Variants in CTNNA2 observed in about 807,000 individuals in gnomAD.
CTNNA2 encodes the protein catenin alpha-2.
CTNNA2 carries 42 observed loss-of-function variants against 101.0 expected under a neutral mutation model. That is an observed-to-expected ratio of 0.42 (90% CI 0.32 to 0.54). The LOEUF (loss-of-function observed/expected upper bound fraction) is 0.54, where lower values mean the gene tolerates loss of function less well. CTNNA2 is among the 20% of genes least tolerant of loss of function. The probability of loss-of-function intolerance (pLI) is 0.14; values close to 1 mark genes in which losing one functional copy is unlikely to be tolerated. For missense variants in CTNNA2, 871 were observed against 1,223.1 expected, an observed-to-expected ratio of 0.71 and a Z score of 4.29; for synonymous variants, 450 against 456.4, an observed-to-expected ratio of 0.99 and a Z score of 0.18.
At chr2:79,447,335 T>A (rs193149775) in intron 4 of CTNNA2, among the ~76,000 whole-genome samples, 2,929 of 151,952 alleles carry the variant, frequency 0.019, 45 homozygotes, top group Non-Finnish European at 0.028. Flanking sequence ...ATAAAAAAAT[T>A]TTTTTCCAGG....
At chr2:80,445,372 G>A (rs1682983469) in intron 9 of CTNNA2, among the ~76,000 whole-genome samples, 1 of 151,772 alleles carries the variant, frequency 6.6e-6, no homozygotes, top group African/African-American at 2.4e-5. Flanking sequence ...TGTAGTGATG[G>A]GGTTTTTCCG....
At chr2:79,481,668 G>T (rs910090980) in intron 4 of CTNNA2, among the ~76,000 whole-genome samples, 2 of 152,108 alleles carry the variant, frequency 1.3e-5, no homozygotes, top group African/African-American at 4.8e-5. Context: ...CTTGATTGTG[G>T]CTATGGTTTC....
chr2:80,226,788 A>C (rs1448261744), intron 7 of CTNNA2, among the ~76,000 whole-genome samples: 1 of 152,170 alleles, frequency 6.6e-6, no homozygotes, highest in Non-Finnish European at 1.5e-5. Context: ...AATACTTGAC[A>C]TAGAAACATC....
rs200194350 is a variant in CTNNA2 at position 79,301,832 on chromosome 2, T to TG, written c.-405-10877_-405-10876insG. On this transcript the variant is annotated intron_variant, in intron 2 of 21. Transcript: ENST00000466387. ...GGCCGGGCACAGTGGCTCACATCTG[T>TG]AATCCTACTGCTTTGGGAGGCTGAG... 2.6e-3 allele frequency among the ~76,000 whole-genome samples: 397 copies of TG among 152,218 alleles called. 9 individuals carry two copies. The East Asian group carries it at 0.064, about 24-fold the overall frequency.
chr2:79,381,282 C>G (rs1006242055), intron 4 of CTNNA2, among the ~76,000 whole-genome samples: 4 of 152,094 alleles, frequency 2.6e-5, no homozygotes, highest in Middle Eastern at 6.3e-3. Context: ...CCAAAACTCA[C>G]GTAAATTAAT....
At position 79,617,226 on chromosome 2, in the gene CTNNA2, A is replaced by G. The variant is rs1044905697; in HGVS notation, c.-5-34326A>G. ...CCTAATATTTTCTTTTATCTATGATATTTTGCATTTTCCCCATCCTCTGCC... is the reference window on the plus strand; with the variant it reads ...CCTAATATTTTCTTTTATCTATGATGTTTTGCATTTTCCCCATCCTCTGCC... On this transcript the variant is annotated intron_variant, in intron 1 of 18. Coordinates refer to ENST00000402739, the MANE Select transcript of CTNNA2 (RefSeq NM_001282597.3). Among the ~76,000 whole-genome samples the G allele has an allele frequency of 2.0e-5, 3 of 151,970 alleles. No individual in the cohort carries two copies. The South Asian group carries it at 6.2e-4, about 31-fold the overall frequency.
chr2:79,857,865 G>T (rs1480444258), intron 3 of CTNNA2, 148 bp from the exon 4 acceptor site: 1 of 754,314 alleles, frequency 1.3e-6, no homozygotes, highest in Admixed American at 2.4e-5. Context: ...GACTTAAAGG[G>T]CTCTTTGCTG....
In CTNNA2 at chr2:79,308,981, T is replaced by G. The variant is rs114813477; in HGVS notation, c.-405-3728T>G. 8.7e-3 allele frequency among the ~76,000 whole-genome samples: 1,323 copies of G among 152,236 alleles called. 20 individuals are homozygous for G. The highest frequency in any genetic ancestry group is 0.03 in the African/African-American group (1,235 of 41,538). ...TGAAAACAGCCTTCTGGATCTTGCC[T>G]ATCAATCTCCTTCCTGCTGCCCTAT... On this transcript the variant is annotated intron_variant, in intron 2 of 21. Transcript: ENST00000466387.
At chr2:80,485,468 ACATC>A (rs1686499003) in intron 9 of CTNNA2, among the ~76,000 whole-genome samples, 1 of 152,172 alleles carries the variant, frequency 6.6e-6, no homozygotes, top group South Asian at 2.1e-4. Context: ...TGGAATGAGG[ACATC>A]CAGCCTGACA....
intron 7 of CTNNA2, among the ~76,000 whole-genome samples, chr2:79,966,152 C>T (rs1024708039): frequency 1.3e-5 from 2 of 151,848 alleles, no homozygotes; most frequent in Admixed American, 6.6e-5. Context: ...ATTTTATTTC[C>T]TCTATTAGAT....
intron 18 of CTNNA2, among the ~76,000 whole-genome samples, chr2:80,645,658 C>G (rs111235547): frequency 4.7e-4 from 71 of 151,652 alleles, no homozygotes; most frequent in African/African-American, 1.7e-3. Flanking sequence ...ACCTCAGGGA[C>G]TAGGCTTTGA....
chr2:80,205,173 C>T (rs1443749782), intron 7 of CTNNA2, among the ~76,000 whole-genome samples: 1 of 152,068 alleles, frequency 6.6e-6, no homozygotes, highest in Non-Finnish European at 1.5e-5. Context: ...TTTCTGACAT[C>T]CTGGACAATT....
intron 4 of CTNNA2, among the ~76,000 whole-genome samples, chr2:79,492,103 C>A (rs1007868611): frequency 6.6e-6 from 1 of 151,718 alleles, no homozygotes; most frequent in Non-Finnish European, 1.5e-5. Flanking sequence ...TTAAATAGTA[C>A]CTGTTAATTG....
At chr2:79,802,310 C>A (rs1676227881) in intron 3 of CTNNA2, among the ~76,000 whole-genome samples, 1 of 152,108 alleles carries the variant, frequency 6.6e-6, no homozygotes, top group Non-Finnish European at 1.5e-5. Flanking sequence ...CCAGTTATAT[C>A]CTCCTACAGA....
Position 79,483,879 on chromosome 2 carries a change from C to T in CTNNA2, c.-134-21175C>T, listed in dbSNP as rs145652370. 2.8e-3 allele frequency among the ~76,000 whole-genome samples: 423 copies of T among 152,228 alleles called. 4 individuals carry two copies. The highest frequency in any genetic ancestry group is 9.6e-3 in the African/African-American group (398 of 41,514). On this transcript the variant is annotated intron_variant, in intron 4 of 21. Coordinates refer to the CTNNA2 transcript ENST00000466387. ...TTATGCTGCTATAAACATGTGTGTA[C>T]AAATGTCTTTTTCATAGAATGACTT...
At chr2:79,466,683 C>T (rs1358946721) in intron 4 of CTNNA2, among the ~76,000 whole-genome samples, 4 of 152,170 alleles carry the variant, frequency 2.6e-5, no homozygotes, top group African/African-American at 4.8e-5. Flanking sequence ...ACGGAGCTTC[C>T]AGAGGAAAAA....
intron 1 of CTNNA2, among the ~76,000 whole-genome samples, chr2:79,557,094 G>A (rs1461168941): frequency 6.6e-6 from 1 of 151,928 alleles, no homozygotes; most frequent in Non-Finnish European, 1.5e-5. Context: ...TCTGTTGCTG[G>A]AATTTAAGCT....
At chr2:80,107,294 T>G (rs1700946031) in intron 7 of CTNNA2, among the ~76,000 whole-genome samples, 1 of 152,138 alleles carries the variant, frequency 6.6e-6, no homozygotes, top group South Asian at 2.1e-4. Flanking sequence ...ATCCTGTGCC[T>G]ATAAAGACCG....
intron 7 of CTNNA2, among the ~76,000 whole-genome samples, chr2:80,069,295 C>T (rs897905575): frequency 3.9e-5 from 6 of 152,064 alleles, no homozygotes; most frequent in Non-Finnish European, 7.4e-5. Context: ...TAATCTATTC[C>T]GGAACACCGT....
Sources: allele counts gnomAD v4.1 joint callset (sites outside exome capture counted in the v4.1 genomes callset), GRCh38; gene constraint gnomAD v4.1.1; transcripts MANE v1.5; gene names NCBI Gene and HGNC (gene_info 2026-07-23, HGNC 2026-07-21).